DGKI: variants seen among roughly 807,000 people sequenced by gnomAD.
The protein encoded by DGKI is diacylglycerol kinase iota, also known as DAG kinase iota.
DGKI carries 55 observed loss-of-function variants against 147.5 expected under a neutral mutation model. The observed-to-expected ratio is 0.37, with a 90% CI of 0.30 to 0.47. DGKI has a LOEUF of 0.47. Among genes scored for constraint, DGKI ranks in the 20% least tolerant of loss-of-function variants. The pLI is 1.00. For missense variants in DGKI, 1,007 were observed against 1,323.8 expected (o/e 0.76, Z 3.71); for synonymous variants, 469 against 477.1 (o/e 0.98, Z 0.22).
At chr7:137,425,546 G>A (rs537693427) in intron 28 of DGKI, among the ~76,000 whole-genome samples, 45 of 152,320 alleles carry the variant, frequency 3.0e-4, no homozygotes, top group Middle Eastern at 3.4e-3. Context: ...AAAGATGGAC[G>A]GAGAATGACT....
At chr7:137,647,752 C>T (rs182510565) in intron 5 of DGKI, among the ~76,000 whole-genome samples, 26 of 152,186 alleles carry the variant, frequency 1.7e-4, no homozygotes, top group Non-Finnish European at 2.4e-4. Context: ...CCTACTCAAC[C>T]GATAAGATGA....
chr7:137,825,332 C>T (rs1352748399), intron 1 of DGKI, among the ~76,000 whole-genome samples: 1 of 152,030 alleles, frequency 6.6e-6, no homozygotes, highest in Non-Finnish European at 1.5e-5. Flanking sequence ...ATTTCATTAC[C>T]CTAAGAAGTT....
chr7:137,535,240 G>A lies in DGKI; in HGVS notation c.2148-13274C>T, dbSNP rs374881506. 5.5e-4 allele frequency among the ~76,000 whole-genome samples: 84 copies of A among 152,202 alleles called. 3 individuals are homozygous for A. The South Asian group carries it at 0.011, about 20-fold the overall frequency. ...GTTTATAAAAAGATATATAATGGAA[G>A]AATGAGAGAAATCTAATTTTTAATT... On this transcript the variant is annotated intron_variant, in intron 20 of 32. Coordinates refer to ENST00000614521, the MANE Select transcript of DGKI (RefSeq NM_001321708.2).
In DGKI at chr7:137,842,837, A is replaced by G. The variant is rs575833467; in HGVS notation, c.401+3625T>C. ...AAAGGGCCACAAGCCAAAAAAAGGT[A>G]TGCAATAATATATAATAATAATAAT... On this transcript the variant is annotated intron_variant, in intron 1 of 32. Coordinates refer to ENST00000614521, the MANE Select transcript of DGKI (RefSeq NM_001321708.2). Among the ~76,000 whole-genome samples the G allele has an allele frequency of 2.6e-5, 4 of 152,324 alleles. No individual in the cohort carries two copies. In the East Asian group the frequency reaches 7.7e-4, roughly 29 times the overall value.
At chr7:137,814,976 T>C (rs1430257197) in intron 1 of DGKI, among the ~76,000 whole-genome samples, 1 of 152,102 alleles carries the variant, frequency 6.6e-6, no homozygotes, top group Non-Finnish European at 1.5e-5. Flanking sequence ...ATTATGCTTC[T>C]CCTTGGCTAA....
chr7:137,638,511 TGTGTGTATATATATACAC>T (rs1227038592), intron 6 of DGKI, among the ~76,000 whole-genome samples: 4 of 113,738 alleles, frequency 3.5e-5, no homozygotes, highest in South Asian at 2.7e-4. Flanking sequence ...TGTATATATA[TGTGTGTATATATATACAC>T]ACACATATAT....
chr7:137,814,386 T>A (rs943776850), intron 1 of DGKI, among the ~76,000 whole-genome samples: 1 of 152,222 alleles, frequency 6.6e-6, no homozygotes, highest in Non-Finnish European at 1.5e-5. Flanking sequence ...CTCTTGAATA[T>A]TTTAAGAGCT....
At chr7:137,431,972 G>T (rs368359946) in intron 28 of DGKI, among the ~76,000 whole-genome samples, 1 of 152,244 alleles carries the variant, frequency 6.6e-6, no homozygotes, top group Non-Finnish European at 1.5e-5. Flanking sequence ...GGAGGTGATT[G>T]GATCATGGGT....
intron 20 of DGKI, among the ~76,000 whole-genome samples, chr7:137,539,471 C>T (rs1817619229): frequency 6.6e-6 from 1 of 151,998 alleles, no homozygotes; most frequent in Non-Finnish European, 1.5e-5. Context: ...AACACCAGAC[C>T]ATAGACTTTG....
intron 1 of DGKI, among the ~76,000 whole-genome samples, chr7:137,736,483 C>T (rs756533769): frequency 1.3e-5 from 2 of 152,096 alleles, no homozygotes; most frequent in Non-Finnish European, 2.9e-5. Flanking sequence ...TACCTCTTCA[C>T]GTTGCTGTGA....
chr7:137,580,091 G>A (rs1471765233), intron 15 of DGKI, among the ~76,000 whole-genome samples: 2 of 152,034 alleles, frequency 1.3e-5, no homozygotes, highest in Admixed American at 6.6e-5. Flanking sequence ...ACTCACTTGA[G>A]CTCATTGAGC....
chr7:137,654,907 A>C (rs1822164829), intron 4 of DGKI, 119 bp from the exon 5 acceptor site: 2 of 641,046 alleles, frequency 3.1e-6, no homozygotes, highest in Non-Finnish European at 5.4e-6. Context: ...CCTCCAAAGA[A>C]CAAGGAATAA....
chr7:137,448,467 C>T (rs1054723455), intron 27 of DGKI, among the ~76,000 whole-genome samples: 1 of 138,792 alleles, frequency 7.2e-6, no homozygotes, highest in Non-Finnish European at 1.5e-5. Flanking sequence ...AATAAATCTT[C>T]GTGTAATTTA....
intron 1 of DGKI, among the ~76,000 whole-genome samples, chr7:137,728,073 A>G (rs1585416521): frequency 6.6e-6 from 1 of 152,358 alleles, no homozygotes; most frequent in East Asian, 1.9e-4. Context: ...TTGTCTAGTG[A>G]AAAATGGCAA....
chr7:137,624,018 G>T lies in DGKI; in HGVS notation c.805-464C>A, dbSNP rs142941068. Among the ~76,000 whole-genome samples the T allele has an allele frequency of 8.5e-3, 1,291 of 151,764 alleles. 25 individuals carry two copies. Among genetic ancestry groups the T allele is most frequent in the African/African-American group, 0.029 (1,219 of 41,410 alleles). ...AGAGAGACAATAACTGGAACTCCGG[G>T]TCTGGGAGAAGTCCAACGGTGTAGT... On this transcript the variant is annotated intron_variant, in intron 6 of 32. Coordinates refer to ENST00000614521, the MANE Select transcript of DGKI (RefSeq NM_001321708.2).
At chr7:137,600,465 T>C (rs909717868) in intron 10 of DGKI, among the ~76,000 whole-genome samples, 1 of 152,136 alleles carries the variant, frequency 6.6e-6, no homozygotes, top group Admixed American at 6.6e-5. Context: ...GAGACAAGAA[T>C]ACCCAGTTTG....
intron 28 of DGKI, among the ~76,000 whole-genome samples, chr7:137,423,689 C>G (rs78939579): frequency 2.6e-5 from 4 of 152,200 alleles, no homozygotes; most frequent in Non-Finnish European, 4.4e-5. Context: ...AGAAGAACAG[C>G]CAAACACCCC....
intron 15 of DGKI, among the ~76,000 whole-genome samples, chr7:137,578,864 A>G (rs834098): frequency 0.032 from 4,876 of 152,200 alleles, 253 homozygotes; most frequent in African/African-American, 0.11. Flanking sequence ...TTTGAGTTTG[A>G]TTTGTGTTTG....
At chr7:137,702,124 C>T (rs1824004634) in intron 1 of DGKI, among the ~76,000 whole-genome samples, 3 of 152,136 alleles carry the variant, frequency 2.0e-5, no homozygotes, top group Admixed American at 6.5e-5. Context: ...TTGACCCTAT[C>T]TCACATTATA....
Sources: gnomAD v4.1 joint callset for allele counts (sites outside exome capture counted in the v4.1 genomes callset) on GRCh38, gnomAD v4.1.1 for gene constraint, MANE v1.5 for transcripts, NCBI Gene and HGNC (gene_info 2026-07-23, HGNC 2026-07-21) for gene names.